Variants in MGAM observed in about 807,000 individuals in gnomAD.
MGAM encodes alpha-1,4-glucosidase.
MGAM carries 253 observed loss-of-function variants against 358.8 expected under a neutral mutation model. That is an observed-to-expected ratio of 0.71 (90% CI 0.64 to 0.78). The LOEUF is 0.78. MGAM is among the 30% of genes least tolerant of loss of function. The pLI is 0.00. For missense variants in MGAM, 3,080 were observed against 3,432.6 expected (o/e 0.90, Z 2.57); for synonymous variants, 1,105 against 1,227.1 (o/e 0.90, Z 2.08).
rs115000874 is a variant in MGAM, at chr7:142,032,283, G to A, written c.1584+490G>A. Reference sequence around the variant, plus strand: ...CCTAACTGAGGGTTAGCAAAATTTAGGGAGCTCCAGAGTTGAAACTTTTTC... The same window carrying A: ...CCTAACTGAGGGTTAGCAAAATTTAAGGAGCTCCAGAGTTGAAACTTTTTC... On this transcript the variant is annotated intron_variant, in intron 13 of 70. Coordinates refer to ENST00000475668, the MANE Select transcript of MGAM (RefSeq NM_001365693.1). Among the ~76,000 whole-genome samples, 1,486 of 152,038 alleles carry A rather than the reference G, an allele frequency of 9.8e-3. 19 individuals are homozygous for A. The highest frequency in any genetic ancestry group is 0.026 in the African/African-American group (1,083 of 41,500).
At chr7:142,099,802 A>G in intron 67 of MGAM, 65 bp downstream of exon 67, 1 of 1,580,450 alleles carries the variant, frequency 6.3e-7, no homozygotes. Context: ...AATGAAGTCC[A>G]CCAAAATGTA....
chr7:142,075,063 T>C (rs1485492816), intron 45 of MGAM, among the ~76,000 whole-genome samples: 1 of 146,406 alleles, frequency 6.8e-6, no homozygotes, highest in Admixed American at 6.9e-5. Context: ...AGATGAACTT[T>C]TTTAGATTCC....
Position 142,045,826 on chromosome 7 carries a change from A to G in MGAM, c.2499-1959A>G. ...CATACAATGTATGAATATATGATATATATTATATATACATACAATATGTAA... is the reference window on the plus strand; with the variant it reads ...CATACAATGTATGAATATATGATATGTATTATATATACATACAATATGTAA... On this transcript the variant is annotated intron_variant, in intron 21 of 70. Coordinates refer to ENST00000475668, the MANE Select transcript of MGAM (RefSeq NM_001365693.1). Among the ~76,000 whole-genome samples the G allele has an allele frequency of 1.6e-5, 2 of 122,132 alleles. 1 individual carries two copies. The highest frequency in any genetic ancestry group is 4.7e-4 in the East Asian group (2 of 4,256). 80.1% of individuals were successfully genotyped at this position (122,132 alleles called of 152,430 possible). A position where few individuals can be genotyped will look rare whatever the true frequency, so the allele number is the denominator to read the frequency against.
upstream of MGAM, among the ~76,000 whole-genome samples, chr7:141,994,590 A>C (rs1554448040): frequency 6.6e-6 from 1 of 152,178 alleles, no homozygotes; most frequent in African/African-American, 2.4e-5. Context: ...ATAGTGATTG[A>C]TATGGTTAGG....
rs1811596029 is a variant in MGAM, at chr7:142,056,843, G to T, written c.3594G>T (p.Gln1198His). 3.1e-6 allele frequency: 5 copies of T among 1,613,828 alleles called. No individual in the cohort carries two copies. Among genetic ancestry groups the T allele is most frequent in the Non-Finnish European group, 4.2e-6 (5 of 1,179,824 alleles). Residue 1198 changes from glutamine to histidine, a missense_variant, in exon 30 of 71, where the codon CAG becomes CAT. Gln to His is a conservative substitution (Grantham distance 24, BLOSUM62 0). Transcript: ENST00000475668. The stretch of plus-strand genomic sequence containing the variant: ...CTTTATTTTCAGATGTGACGTTCCA[G>T]CCCCTGCCTGCCTTGACATACCGCA... ...LNSNAMDVTF[Q>H]PLPALTYRTT...
At chr7:142,034,036 C>T (rs1807746931) in intron 14 of MGAM, among the ~76,000 whole-genome samples, 1 of 152,210 alleles carries the variant, frequency 6.6e-6, no homozygotes, top group Non-Finnish European at 1.5e-5. Context: ...CCTCTAATCA[C>T]GTGAGAGCTC....
intron 3 of MGAM, among the ~76,000 whole-genome samples, chr7:142,018,671 A>G (rs1399271024): frequency 6.6e-6 from 1 of 152,230 alleles, no homozygotes; most frequent in South Asian, 2.1e-4. Context: ...TTGGGTGTCA[A>G]GAAAGACTAC....
In MGAM at chr7:142,076,594, G is replaced by A; in HGVS notation, c.5326-65G>A. On this transcript the variant is annotated intron_variant, in intron 46 of 70. Coordinates refer to ENST00000475668, the MANE Select transcript of MGAM (RefSeq NM_001365693.1). ...ATCCAGTCTGGAATAGAATATATGAGTGACTTGAGAATCTGTGTATTACAG... is the reference window on the plus strand; with the variant it reads ...ATCCAGTCTGGAATAGAATATATGAATGACTTGAGAATCTGTGTATTACAG... 1.5e-6 allele frequency: 2 copies of A among 1,322,154 alleles called. 1 individual carries two copies. Among genetic ancestry groups the A allele is most frequent in the South Asian group, 2.5e-5 (2 of 80,120 alleles). 81.9% of individuals were successfully genotyped at this position (1,322,154 alleles called of 1,614,324 possible).
chr7:141,995,661 G>A (rs782210704), upstream of MGAM, among the ~76,000 whole-genome samples: 4 of 152,140 alleles, frequency 2.6e-5, no homozygotes, highest in Non-Finnish European at 5.9e-5. Flanking sequence ...TGCCTGGAGG[G>A]GATGGAGTGG....
At chr7:142,011,905 A>G (rs1160720069) in intron 3 of MGAM, among the ~76,000 whole-genome samples, 1 of 152,172 alleles carries the variant, frequency 6.6e-6, no homozygotes, top group Non-Finnish European at 1.5e-5. Context: ...TGGCCAGCCT[A>G]ACAAGCTAAA....
chr7:142,066,658 T>C lies in MGAM; in HGVS notation c.4856T>C (p.Leu1619Pro). 1 of 1,556,252 alleles carries C rather than the reference T, an allele frequency of 6.4e-7. No individual in the cohort carries two copies. Among genetic ancestry groups the C allele is most frequent in the Non-Finnish European group, 8.8e-7 (1 of 1,132,682 alleles). ...LQTRYTLLPY[L>P]YTLMQKAHTE... is the part of the protein sequence containing the mutation. The stretch of plus-strand genomic sequence containing the variant: ...ACCAGATACACCCTGTTGCCATATC[T>C]GTATACCTTGATGCAAAAGGCCCAC... The change falls in exon 41 of 71, where the codon CTG (leucine) becomes CCG (proline). Residue 1619 changes from leucine (L) to proline (P), a missense_variant. Physicochemically the swap from Leu to Pro is moderately conservative, Grantham distance 98 (BLOSUM62 -3). Transcript: ENST00000475668.
intron 22 of MGAM, among the ~76,000 whole-genome samples, chr7:142,049,093 A>G (rs928054902): frequency 2.6e-5 from 4 of 152,160 alleles, no homozygotes; most frequent in African/African-American, 9.7e-5. Flanking sequence ...TTTCACATGT[A>G]AGTGAGACCA....
chr7:142,085,179 T>G (rs1236172557), intron 54 of MGAM, among the ~76,000 whole-genome samples: 1 of 146,562 alleles, frequency 6.8e-6, no homozygotes, highest in Non-Finnish European at 1.5e-5. Flanking sequence ...TATCCTTCAC[T>G]GGAGGATGGG....
At chr7:142,032,778 G>T (rs1554464267) in intron 13 of MGAM, 47 bp from the exon 14 acceptor site, 1 of 1,190,856 alleles carries the variant, frequency 8.4e-7, no homozygotes, top group East Asian at 2.4e-5. Context: ...GACATCATAA[G>T]ATAACATGTT....
Position 142,040,832 on chromosome 7 carries a change from A to AACC in MGAM, c.2487_2489dup (p.Thr830dup), listed in dbSNP as rs1393997587. ...TCTTCCCCACACAGCAGCCAAATAC[A>AACC]ACCACTCTGGCCAGGTATAGCATGG... is the stretch of plus-strand genomic sequence containing the variant. On this transcript the variant is annotated inframe_insertion, in exon 21 of 71. Coordinates refer to ENST00000475668, the MANE Select transcript of MGAM (RefSeq NM_001365693.1). The AACC allele has an allele frequency of 1.9e-6, 3 of 1,611,624 alleles. No homozygotes were observed. Among genetic ancestry groups the AACC allele is most frequent in the Admixed American group, 3.4e-5 (2 of 59,686 alleles).
chr7:142,094,268 A>G, intron 60 of MGAM, 96 bp from the exon 61 acceptor site: 1 of 1,385,432 alleles, frequency 7.2e-7, no homozygotes, highest in African/African-American at 1.4e-5. Context: ...TCACGCAGCA[A>G]ACATTGACTA....
At chr7:142,081,394 G>A (rs995242673) in intron 50 of MGAM, among the ~76,000 whole-genome samples, 1 of 134,022 alleles carries the variant, frequency 7.5e-6, no homozygotes, top group African/African-American at 2.6e-5. Context: ...CCAAGAAGGT[G>A]ATATTTTAAT....
chr7:141,998,645 T>C (rs560395462), intron 1 of MGAM, among the ~76,000 whole-genome samples: 2 of 152,326 alleles, frequency 1.3e-5, no homozygotes, highest in East Asian at 3.9e-4. Flanking sequence ...TTTTGTTTAT[T>C]CAGTCTATCA....
chr7:142,067,671 T>G (rs1158315319), intron 42 of MGAM, among the ~76,000 whole-genome samples: 1 of 142,432 alleles, frequency 7.0e-6, no homozygotes, highest in Non-Finnish European at 1.6e-5. Context: ...CCTCATGGAA[T>G]AGTCAATGAC....
Sources: gnomAD v4.1 joint callset for allele counts (sites outside exome capture counted in the v4.1 genomes callset) on GRCh38, gnomAD v4.1.1 for gene constraint, MANE v1.5 for transcripts, NCBI Gene and HGNC (gene_info 2026-07-23, HGNC 2026-07-21) for gene names.